SSH2: variants seen among roughly 807,000 people sequenced by gnomAD.
SSH2 encodes the protein slingshot protein phosphatase 2, also known as protein phosphatase Slingshot homolog 2.
In SSH2, 37 loss-of-function variants were observed where a neutral mutation model predicts 135.2. The observed-to-expected ratio is 0.27, with a 90% CI of 0.21 to 0.36. The LOEUF (loss-of-function observed/expected upper bound fraction) is 0.36. Ranked by LOEUF, SSH2 falls within the 10% of genes least tolerant of loss-of-function variation. SSH2 has a pLI of 1.00. For synonymous variants in SSH2, 628 were observed against 646.2 expected, an observed-to-expected ratio of 0.97 and a Z score of 0.43; for missense variants, 1,408 against 1,765.3, an observed-to-expected ratio of 0.80 and a Z score of 3.63.
intron 1 of SSH2, among the ~76,000 whole-genome samples, chr17:29,880,128 G>A (rs2066110314): frequency 6.6e-6 from 1 of 152,106 alleles, no homozygotes; most frequent in Admixed American, 6.5e-5. Context: ...ATCATTGAGT[G>A]CCTACTACAT....
chr17:29,750,483 CAG>C (rs2040898592), intron 3 of SSH2, among the ~76,000 whole-genome samples: 1 of 148,976 alleles, frequency 6.7e-6, no homozygotes. Flanking sequence ...AAATAAAAAA[CAG>C]AAAAATTGTA....
At chr17:29,826,922 A>G (rs1316273481) in intron 2 of SSH2, among the ~76,000 whole-genome samples, 1 of 152,180 alleles carries the variant, frequency 6.6e-6, no homozygotes, top group African/African-American at 2.4e-5. Flanking sequence ...CAGTTCCCAA[A>G]AGGAAAAGAT....
chr17:29,719,657 T>G (rs2087934714), intron 3 of SSH2, among the ~76,000 whole-genome samples: 1 of 149,426 alleles, frequency 6.7e-6, no homozygotes, highest in South Asian at 2.1e-4. Flanking sequence ...TTCTTCCCAT[T>G]TCACAGATGA....
intron 1 of SSH2, among the ~76,000 whole-genome samples, chr17:29,887,926 T>C (rs146952315): frequency 2.0e-4 from 31 of 152,274 alleles, no homozygotes; most frequent in Middle Eastern, 3.4e-3. Flanking sequence ...GATTAGTATA[T>C]GTGAAGATTA....
intron 13 of SSH2, 65 bp from the exon 14 acceptor site, chr17:29,648,409 G>T: frequency 7.2e-7 from 1 of 1,392,160 alleles, no homozygotes. Flanking sequence ...TTAAAAGTTG[G>T]TTTCTAGATT....
In SSH2 at chr17:29,631,002, C is replaced by T; in HGVS notation, c.4192G>A (p.Gly1398Ser). Residue 1398 changes from glycine to serine, a missense_variant, in exon 16 of 16, where the codon GGC becomes AGC. Physicochemically the swap from Gly to Ser is moderately conservative, Grantham distance 56. This residue lies in a region of SSH2 where 1,080 missense variants were observed against 1,144.5 expected (regional missense o/e 0.94). Transcript: ENST00000540801. The stretch of plus-strand genomic sequence containing the variant: ...CCCTGGGTCTGTAGCACGGGAAGGC[C>T]TCCTTCAGAACTAGTCAATTCAAGT... ...AGLELTSSEG[G>S]LPVLQTQGLQ... 3 of 1,613,930 alleles carry T rather than the reference C, an allele frequency of 1.9e-6. No individual in the cohort carries two copies. The highest frequency in any genetic ancestry group is 2.5e-6 in the Non-Finnish European group (3 of 1,179,788).
At position 29,684,473 on chromosome 17, in the gene SSH2, C is replaced by G. The variant is rs556771090; in HGVS notation, c.479+90G>C. ...GTCTGGGCAACAGAGTGATGACACT[C>G]CGTCCCCATTAAAAAAAAAAAAAAA... is the stretch of plus-strand genomic sequence containing the variant. On this transcript the variant is annotated intron_variant, in intron 6 of 15. Transcript: ENST00000540801. 72 of 1,247,124 alleles carry G rather than the reference C, an allele frequency of 5.8e-5. 1 individual carries two copies. The African/African-American group carries it at 1.1e-3, about 19-fold the overall frequency. The allele number at this position is 1,247,124 out of a possible 1,614,324, so 77.3% of individuals were successfully genotyped here. A position where few individuals can be genotyped will look rare whatever the true frequency, so the allele number is the denominator to read the frequency against.
chr17:29,806,742 A>G, intron 2 of SSH2, among the ~76,000 whole-genome samples: 1 of 152,188 alleles, frequency 6.6e-6, no homozygotes, highest in Non-Finnish European at 1.5e-5. Flanking sequence ...AATATTTTGA[A>G]TATCTCCTCC....
At chr17:29,851,507 G>A (rs961862707) in intron 1 of SSH2, among the ~76,000 whole-genome samples, 1 of 151,886 alleles carries the variant, frequency 6.6e-6, no homozygotes, top group Non-Finnish European at 1.5e-5. Context: ...CAGGAGAATC[G>A]CTTGAACCCA....
chr17:29,631,370 A>G lies in SSH2; in HGVS notation c.3824T>C (p.Leu1275Pro). Reference sequence around the variant, plus strand: ...GCGCCTCATTTGGGATGGTTTGGTGAGCCCTGCCTGGAAAACCACTCGAGA... The same window carrying G: ...GCGCCTCATTTGGGATGGTTTGGTGGGCCCTGCCTGGAAAACCACTCGAGA... ...IESRVVFQAG[L>P]TKPSQMRRSA... Residue 1275 changes from leucine (L) to proline (P), a missense_variant, in exon 16 of 16, where the codon CTC (leucine) becomes CCC (proline). Around this residue, in one of 3 missense-constraint regions of SSH2, gnomAD observed 1,080 missense variants for 1,144.5 expected, o/e 0.94. Transcript: ENST00000540801. 1 of 1,614,132 alleles carries G rather than the reference A, an allele frequency of 6.2e-7. No homozygotes were observed. Among genetic ancestry groups the G allele is most frequent in the Non-Finnish European group, 8.5e-7 (1 of 1,180,026 alleles).
chr17:29,681,414 A>G (rs1598788868), intron 6 of SSH2, among the ~76,000 whole-genome samples: 4 of 145,438 alleles, frequency 2.8e-5, no homozygotes, highest in African/African-American at 1.0e-4. Context: ...CACGCTTGGT[A>G]TTTTTATCCA....
intron 1 of SSH2, among the ~76,000 whole-genome samples, chr17:29,895,675 AATATATTTTATATACACATTTTATAT>A (rs1300035604): frequency 1.2e-4 from 14 of 120,096 alleles, no homozygotes; most frequent in African/African-American, 3.0e-4. Context: ...AAATATATAA[AATATATTTTATATACACATTTTATAT>A]ATGAAATATA....
Position 29,914,567 on chromosome 17 carries a change from A to AC in SSH2, c.63+15370_63+15371insG, listed in dbSNP as rs200175705. Among the ~76,000 whole-genome samples the AC allele has an allele frequency of 4.5e-3, 567 of 125,246 alleles. 5 individuals carry two copies. Among genetic ancestry groups the AC allele is most frequent in the Middle Eastern group, 0.017 (4 of 240 alleles). 82.2% of individuals were successfully genotyped at this position (125,246 alleles called of 152,430 possible). On this transcript the variant is annotated intron_variant, in intron 1 of 15. Transcript: ENST00000540801. ...GAGAGAGACCCTGTCTGAAAAAAAA[A>AC]AAAAAAACAAACAAAAAACCCCAAA...
chr17:29,758,295 G>A (rs569572244), intron 3 of SSH2, among the ~76,000 whole-genome samples: 1 of 152,274 alleles, frequency 6.6e-6, no homozygotes, highest in African/African-American at 2.4e-5. Flanking sequence ...AAGGGCAGTG[G>A]CCTAGGAAAT....
intron 1 of SSH2, among the ~76,000 whole-genome samples, chr17:29,861,572 T>TC (rs1281127559): frequency 1.3e-5 from 2 of 151,076 alleles, no homozygotes; most frequent in African/African-American, 4.9e-5. Context: ...ATCTTCTTCT[T>TC]TTTTTTTTCT....
chr17:29,923,529 A>G (rs2067011986), intron 1 of SSH2, among the ~76,000 whole-genome samples: 1 of 151,812 alleles, frequency 6.6e-6, no homozygotes, highest in Non-Finnish European at 1.5e-5. Flanking sequence ...CTGAGATGGA[A>G]GGATCACTTG....
intron 3 of SSH2, chr17:29,716,647 C>A (rs374678597): frequency 1.0e-4 from 66 of 658,334 alleles, no homozygotes; most frequent in Non-Finnish European, 1.7e-4. Flanking sequence ...ACCTAGAGAA[C>A]ATATATCGGG....
chr17:29,815,463 G>A (rs1429598955), intron 2 of SSH2, among the ~76,000 whole-genome samples: 1 of 152,068 alleles, frequency 6.6e-6, no homozygotes, highest in East Asian at 1.9e-4. Context: ...GTTTTGCCAT[G>A]TTGGCCAGGC....
At chr17:29,752,689 T>C (rs2040982522) in intron 3 of SSH2, among the ~76,000 whole-genome samples, 2 of 152,014 alleles carry the variant, frequency 1.3e-5, no homozygotes, top group African/African-American at 2.4e-5. Flanking sequence ...TATATAAAAA[T>C]GTAAAACTTT....
Sources: allele counts gnomAD v4.1 joint callset (sites outside exome capture counted in the v4.1 genomes callset), GRCh38; gene constraint gnomAD v4.1.1; regional missense constraint gnomAD v4.1.1; transcripts MANE v1.5; gene names NCBI Gene and HGNC (gene_info 2026-07-23, HGNC 2026-07-21).